BCL7A: variants seen among roughly 807,000 people sequenced by gnomAD.
BCL7A encodes the protein B-cell CLL/lymphoma 7 protein family member A.
BCL7A carries 11 observed loss-of-function variants against 28.4 expected under a neutral mutation model. The ratio of observed to expected loss-of-function variants is 0.39; its 90% CI spans 0.24 to 0.64. The LOEUF (loss-of-function observed/expected upper bound fraction) is 0.64, where lower values mean the gene tolerates loss of function less well. Ranked by LOEUF, BCL7A falls within the 30% of genes least tolerant of loss-of-function variation. BCL7A has a pLI of 0.50. For missense variants in BCL7A, 222 were observed against 274.8 expected (o/e 0.81, Z 1.36); for synonymous variants, 123 against 103.3 (o/e 1.19, Z -1.15).
rs1210103934 is a variant in BCL7A at position 122,061,525 on chromosome 12, C to T, written c.*2362C>T. 3 of 232,368 alleles carry T rather than the reference C, an allele frequency of 1.3e-5. No homozygotes were observed. The highest frequency in any genetic ancestry group is 8.5e-6 in the Non-Finnish European group (1 of 117,594). 14.4% of individuals were successfully genotyped at this position (232,368 alleles called of 1,614,324 possible). A position where few individuals can be genotyped will look rare whatever the true frequency, so the allele number is the denominator to read the frequency against. ...CTGCAAAAATCCGATGTGCTTCCTT[C>T]CCTGGCGCAGTCGCTCCTCGAGCCG... On this transcript the variant is annotated 3_prime_UTR_variant, in exon 6 of 6. Coordinates refer to ENST00000261822, the MANE Select transcript of BCL7A (RefSeq NM_001024808.3).
chr12:122,030,212 C>T lies in BCL7A; in HGVS notation c.93-488C>T, dbSNP rs1056200693. On this transcript the variant is annotated intron_variant, in intron 1 of 5. Coordinates refer to ENST00000261822, the MANE Select transcript of BCL7A (RefSeq NM_001024808.3). ...TTCCGGCAGAGTGTGGGCGGCTCCC[C>T]GGCTTGCCTGCTCATGCCTCCCCTG... Among the ~76,000 whole-genome samples, 10 of 152,354 alleles carry T rather than the reference C, an allele frequency of 6.6e-5. No individual in the cohort carries two copies. The East Asian group carries it at 7.7e-4, about 12-fold the overall frequency.
intron 1 of BCL7A, among the ~76,000 whole-genome samples, chr12:122,025,315 A>C (rs1883596965): frequency 6.6e-6 from 1 of 150,992 alleles, no homozygotes; most frequent in Admixed American, 6.6e-5. Flanking sequence ...CTGGGTCTCA[A>C]ACCAAAAAAA....
intron 2 of BCL7A, among the ~76,000 whole-genome samples, 156 bp from the exon 3 acceptor site, chr12:122,035,175 G>A (rs1035004395): frequency 6.6e-6 from 1 of 152,188 alleles, no homozygotes; most frequent in African/African-American, 2.4e-5. Flanking sequence ...CTAATAGGAC[G>A]TGTTCAAATG....
In BCL7A at chr12:122,059,490, C is replaced by T. The variant is rs537091593; in HGVS notation, c.*327C>T. On this transcript the variant is annotated 3_prime_UTR_variant, in exon 6 of 6. Coordinates refer to ENST00000261822, the MANE Select transcript of BCL7A (RefSeq NM_001024808.3). The surrounding 1 kb of genome is among the most constrained non-coding windows in gnomAD (Gnocchi z 4.0). ...ATTTTCCCCCCACTTCTCTATGTAA[C>T]GATATAAGCTATCGGAGGGTGGTAC... 7.0e-5 allele frequency: 22 copies of T among 312,510 alleles called. No homozygotes were observed. Among genetic ancestry groups the T allele is most frequent in the African/African-American group, 3.1e-4 (15 of 48,064 alleles). 19.4% of individuals were successfully genotyped at this position (312,510 alleles called of 1,614,324 possible). A position where few individuals can be genotyped will look rare whatever the true frequency, so the allele number is the denominator to read the frequency against.
intron 2 of BCL7A, among the ~76,000 whole-genome samples, chr12:122,031,736 G>GGGGCTCCAGGA (rs747795892): frequency 2.6e-5 from 4 of 152,088 alleles, no homozygotes; most frequent in African/African-American, 4.8e-5. Flanking sequence ...GTAGGGATGC[G>GGGGCTCCAGGA]GGGCTCCAGG....
At position 122,059,121 on chromosome 12, in the gene BCL7A, G is replaced by A; in HGVS notation, c.591G>A (p.Lys197=). ...QDLEGVPPSK[K]MKLEASQQNS... is the part of the protein sequence containing the mutation. ...TGGAAGGAGTGCCACCCTCTAAAAA[G>A]ATGAAACTGGAGGCCTCTCAACAAA... The change falls in exon 6 of 6, where the codon AAG becomes AAA. Residue 197 remains lysine (K), a synonymous_variant. Transcript: ENST00000261822. This position sits in a 1 kb window ranked among gnomAD's most constrained non-coding sequence, Gnocchi z 4.0. 6.2e-7 allele frequency: 1 copy of A among 1,612,416 alleles called. No individual in the cohort carries two copies. Among genetic ancestry groups the A allele is most frequent in the Non-Finnish European group, 8.5e-7 (1 of 1,178,432 alleles).
intron 4 of BCL7A, among the ~76,000 whole-genome samples, chr12:122,052,201 A>T (rs1593035786): frequency 6.6e-6 from 1 of 152,042 alleles, no homozygotes; most frequent in South Asian, 2.1e-4. Flanking sequence ...TTTTAAAAAA[A>T]AAAAATAAAT....
At chr12:122,055,346 T>A (rs893303234) in intron 5 of BCL7A, among the ~76,000 whole-genome samples, 1 of 152,196 alleles carries the variant, frequency 6.6e-6, no homozygotes, top group East Asian at 1.9e-4. Flanking sequence ...CCACTTGCAC[T>A]GCATGGGCCC....
chr12:122,059,678 G>A lies in BCL7A; in HGVS notation c.*515G>A. 1 of 233,038 alleles carries A rather than the reference G, an allele frequency of 4.3e-6. No individual in the cohort carries two copies. The highest frequency in any genetic ancestry group is 8.5e-6 in the Non-Finnish European group (1 of 118,060). The allele number at this position is 233,038 out of a possible 1,614,324, so 14.4% of individuals were successfully genotyped here. Reference sequence around the variant, plus strand: ...TCTTGGTTTGGTTCGGGCGGCGGCTGCCACCCTACTCACCGCTCTCCTCCC... The same window carrying A: ...TCTTGGTTTGGTTCGGGCGGCGGCTACCACCCTACTCACCGCTCTCCTCCC... On this transcript the variant is annotated 3_prime_UTR_variant, in exon 6 of 6. Transcript: ENST00000261822. This position sits in a 1 kb window ranked among gnomAD's most constrained non-coding sequence, Gnocchi z 4.0.
At chr12:122,053,478 A>G (rs967011996) in intron 4 of BCL7A, among the ~76,000 whole-genome samples, 3 of 152,002 alleles carry the variant, frequency 2.0e-5, no homozygotes, top group East Asian at 1.9e-4. Flanking sequence ...CCCCTTTGTT[A>G]TTACTCTGCC....
At chr12:122,026,898 G>A (rs1883640143) in intron 1 of BCL7A, among the ~76,000 whole-genome samples, 2 of 152,236 alleles carry the variant, frequency 1.3e-5, no homozygotes, top group South Asian at 4.1e-4. Flanking sequence ...ATGGATTCTT[G>A]TAGTTTATAT....
intron 4 of BCL7A, among the ~76,000 whole-genome samples, chr12:122,046,609 C>T (rs994341846): frequency 6.6e-6 from 1 of 152,138 alleles, no homozygotes; most frequent in African/African-American, 2.4e-5. Flanking sequence ...CTATCCAGCC[C>T]GTGGTGTGAG....
rs143230773 is a variant in BCL7A, at chr12:122,055,256, A to G, written c.561+330A>G. ...ATTGCCTCATCTCAGTGATCCCCAG[A>G]TCGGTGACCTTTAGAGCTGGGAAGA... On this transcript the variant is annotated intron_variant, in intron 5 of 5. Coordinates refer to ENST00000261822, the MANE Select transcript of BCL7A (RefSeq NM_001024808.3). 1.8e-3 allele frequency among the ~76,000 whole-genome samples: 273 copies of G among 152,306 alleles called. 1 individual carries two copies. Among genetic ancestry groups the G allele is most frequent in the African/African-American group, 6.1e-3 (255 of 41,574 alleles).
chr12:122,031,170 G>T (rs769592400), intron 2 of BCL7A, among the ~76,000 whole-genome samples: 11 of 152,134 alleles, frequency 7.2e-5, no homozygotes, highest in South Asian at 2.1e-4. Context: ...GGGATTACAG[G>T]TGCACACCAC....
chr12:122,051,930 G>A (rs2135858267), intron 4 of BCL7A, among the ~76,000 whole-genome samples: 2 of 122,372 alleles, frequency 1.6e-5, no homozygotes, highest in South Asian at 5.2e-4. Context: ...CTGGAGTGCA[G>A]TGGTGCGATT....
chr12:122,037,523 G>C (rs917008399), intron 3 of BCL7A, among the ~76,000 whole-genome samples: 36 of 152,260 alleles, frequency 2.4e-4, no homozygotes, highest in African/African-American at 8.4e-4. Flanking sequence ...GTTTCTGAAC[G>C]GGCTTTAGAA....
intron 1 of BCL7A, among the ~76,000 whole-genome samples, chr12:122,026,371 A>C (rs947471994): frequency 2.0e-5 from 3 of 151,936 alleles, no homozygotes; most frequent in African/African-American, 7.3e-5. Context: ...TGAGCCCAGG[A>C]GGTTGAGGCT....
intron 4 of BCL7A, among the ~76,000 whole-genome samples, chr12:122,046,984 A>AC (rs1180421905): frequency 1.3e-5 from 2 of 150,430 alleles, no homozygotes; most frequent in East Asian, 4.0e-4. Context: ...GCTCACTGCA[A>AC]CCTCCGCCTC....
At chr12:122,042,191 C>T (rs2135851079) in intron 3 of BCL7A, among the ~76,000 whole-genome samples, 1 of 152,290 alleles carries the variant, frequency 6.6e-6, no homozygotes, top group South Asian at 2.1e-4. Context: ...TACCCCTTCT[C>T]TTTCTTCTTT....
Sources: allele counts gnomAD v4.1 joint callset (sites outside exome capture counted in the v4.1 genomes callset), GRCh38; gene constraint gnomAD v4.1.1; non-coding constraint Gnocchi (gnomAD v3.1); transcripts MANE v1.5; gene names NCBI Gene and HGNC (gene_info 2026-07-23, HGNC 2026-07-21).